The following COG7 variants were observed in gnomAD, a reference collection of about 807,000 sequenced individuals.
COG7 encodes component of oligomeric golgi complex 7.
In COG7, 49 loss-of-function variants were observed where a neutral mutation model predicts 91.5. That is an observed-to-expected ratio of 0.54 (90% CI 0.43 to 0.68). The LOEUF (loss-of-function observed/expected upper bound fraction) is 0.68. Ranked by LOEUF, COG7 falls within the 30% of genes least tolerant of loss-of-function variation. The pLI, the probability that COG7 is intolerant of heterozygous loss-of-function variation, is 0.00. For missense variants in COG7, 895 were observed against 961.3 expected, an observed-to-expected ratio of 0.93 and a Z score of 0.91; for synonymous variants, 365 against 388.7, an observed-to-expected ratio of 0.94 and a Z score of 0.72.
rs562948451 is a variant in COG7, at chr16:23,398,109, G to C, written c.1824C>G (p.Ile608Met). The C allele has an allele frequency of 1.2e-6, 2 of 1,614,102 alleles. No homozygotes were observed. Among genetic ancestry groups the C allele is most frequent in the East Asian group, 2.2e-5 (1 of 44,880 alleles). Reference protein sequence around the residue: ...SKMDSWNTAGIGETLTDELPA... With the variant: ...SKMDSWNTAGMGETLTDELPA... ...GCAGTTCATCTGTGAGGGTTTCTCC[G>C]ATGCCAGCCGTATTCCAGCTCTAAG... The change falls in exon 14 of 17, where the codon ATC becomes ATG. Residue 608 changes from isoleucine (I) to methionine (M), a missense_variant. Coordinates refer to ENST00000307149, the MANE Select transcript of COG7 (RefSeq NM_153603.4).
At chr16:23,426,881 A>T (rs1443179097) in intron 6 of COG7, among the ~76,000 whole-genome samples, 1 of 152,046 alleles carries the variant, frequency 6.6e-6, no homozygotes, top group Admixed American at 6.6e-5. Context: ...AATTGAAAAC[A>T]AGAGTTATCT....
Position 23,424,867 on chromosome 16 carries a change from G to A in COG7, c.891C>T (p.Cys297=). 1 of 1,614,244 alleles carries A rather than the reference G, an allele frequency of 6.2e-7. No homozygotes were observed. The highest frequency in any genetic ancestry group is 8.5e-7 in the Non-Finnish European group (1 of 1,180,034). The change falls in exon 7 of 17, where the codon TGC becomes TGT. Residue 297 remains cysteine, a synonymous_variant. Coordinates refer to ENST00000307149, the MANE Select transcript of COG7 (RefSeq NM_153603.4). ...LGALMPSLPS[C]LSNGVERAGP... is the part of the protein sequence containing the mutation. ...CTGCCCTCTCCACGCCGTTGCTGAG[G>A]CAGGAGGGCAGCGAGGGCATGAGGG...
intron 12 of COG7, among the ~76,000 whole-genome samples, 187 bp from the exon 13 acceptor site, chr16:23,404,021 A>T (rs1483947597): frequency 2.0e-5 from 3 of 152,198 alleles, no homozygotes; most frequent in African/African-American, 7.2e-5. Context: ...TCCACCCCAG[A>T]ACTACTGCAT....
intron 6 of COG7, among the ~76,000 whole-genome samples, chr16:23,426,817 A>AC (rs147595429): frequency 0.094 from 11,780 of 125,074 alleles, 348 homozygotes; most frequent in East Asian, 0.16. Context: ...GAGCAATTGG[A>AC]CAAAAAAAAA....
chr16:23,440,976 G>C (rs1280510660), intron 4 of COG7, among the ~76,000 whole-genome samples: 6 of 151,704 alleles, frequency 4.0e-5, no homozygotes, highest in Admixed American at 3.9e-4. Context: ...AGAGACCAGA[G>C]AAAATATGAT....
intron 13 of COG7, among the ~76,000 whole-genome samples, chr16:23,402,113 TTTAG>T (rs1320961790): frequency 2.6e-5 from 4 of 152,146 alleles, no homozygotes; most frequent in African/African-American, 9.7e-5. Context: ...TTTAGATTCA[TTTAG>T]TGTCTCTTTT....
chr16:23,417,438 G>A lies in COG7; in HGVS notation c.1138-317C>T, dbSNP rs765465587. On this transcript the variant is annotated intron_variant, in intron 8 of 16. Coordinates refer to ENST00000307149, the MANE Select transcript of COG7 (RefSeq NM_153603.4). ...TCTCTTCCTCTGGCTCTCGAGCTAC[G>A]ATTCAAATTCTCCTTATCAGACGCT... is the stretch of plus-strand genomic sequence containing the variant. 5 of 399,860 alleles carry A rather than the reference G, an allele frequency of 1.3e-5. No homozygotes were observed. The East Asian group carries it at 1.7e-4, about 14-fold the overall frequency. The allele number at this position is 399,860 out of a possible 1,614,324, so 24.8% of individuals were successfully genotyped here.
rs1044303220 is a variant in COG7, at chr16:23,445,861, G to C, written c.270C>G (p.Val90=). Residue 90 remains valine (V), a synonymous_variant, in exon 2 of 17, where the codon GTC becomes GTG. Transcript: ENST00000307149. ...GTTCAAATTTTTTAATGTCCTCCTT[G>C]ACAAGAATCATCTGTTCTTTCAGGA... ...ASFLKEQMIL[V]KEDIKKFEQD... The C allele has an allele frequency of 1.2e-6, 2 of 1,613,014 alleles. No individual in the cohort carries two copies. Among genetic ancestry groups the C allele is most frequent in the African/African-American group, 1.3e-5 (1 of 74,702 alleles).
chr16:23,400,640 G>T (rs190438185), intron 13 of COG7, among the ~76,000 whole-genome samples: 2 of 152,140 alleles, frequency 1.3e-5, no homozygotes, highest in African/African-American at 4.8e-5. Flanking sequence ...TGGAAGAAGC[G>T]CAAGACAGAG....
At chr16:23,426,194 TGA>T (rs1963843191) in intron 6 of COG7, among the ~76,000 whole-genome samples, 1 of 152,158 alleles carries the variant, frequency 6.6e-6, no homozygotes, top group African/African-American at 2.4e-5. Flanking sequence ...CCAGCCTAGG[TGA>T]CAGAGCAAGA....
chr16:23,400,951 C>T (rs192406866), intron 13 of COG7, among the ~76,000 whole-genome samples: 225 of 139,106 alleles, frequency 1.6e-3, no homozygotes, highest in Middle Eastern at 8.7e-3. Flanking sequence ...GCCTGGGCAA[C>T]AGAGTGAGAC....
chr16:23,404,888 C>A (rs1455912136), intron 12 of COG7, among the ~76,000 whole-genome samples: 2 of 152,144 alleles, frequency 1.3e-5, no homozygotes, highest in Admixed American at 1.3e-4. Context: ...CCACTGCACT[C>A]CAGCCTAGGC....
chr16:23,397,733 T>C (rs1963307737), intron 14 of COG7, among the ~76,000 whole-genome samples: 2 of 152,208 alleles, frequency 1.3e-5, no homozygotes, highest in Non-Finnish European at 2.9e-5. Flanking sequence ...AGAGAAGAAT[T>C]GGCCATCTGC....
Position 23,417,071 on chromosome 16 carries a change from G to C in COG7, c.1188C>G (p.Asn396Lys). ...DCVQELSHSV[N>K]KLFGLASAAV... ...CTGCAGACGCCAGACCAAACAGCTT[G>C]TTCACGGAGTGGCTCAGCTCCTGCA... Residue 396 changes from asparagine (N) to lysine (K), a missense_variant, in exon 9 of 17, where the codon AAC (asparagine) becomes AAG (lysine). By Grantham distance (94) the Asn-to-Lys change is moderately conservative. Coordinates refer to ENST00000307149, the MANE Select transcript of COG7 (RefSeq NM_153603.4). 6.2e-7 allele frequency: 1 copy of C among 1,614,216 alleles called. No individual in the cohort carries two copies. Among genetic ancestry groups the C allele is most frequent in the Non-Finnish European group, 8.5e-7 (1 of 1,180,028 alleles).
chr16:23,443,017 G>A (rs1317342012), intron 3 of COG7, among the ~76,000 whole-genome samples: 1 of 147,448 alleles, frequency 6.8e-6, no homozygotes, highest in Non-Finnish European at 1.5e-5. Context: ...CTGGGCAACA[G>A]AGAAAGACCC....
chr16:23,400,724 C>G (rs1169563062), intron 13 of COG7, among the ~76,000 whole-genome samples: 1 of 152,196 alleles, frequency 6.6e-6, no homozygotes, highest in African/African-American at 2.4e-5. Context: ...AATCCCAGCA[C>G]TTTGAGAGGC....
chr16:23,453,090 G>T lies in COG7; in HGVS notation c.-96C>A. On this transcript the variant is annotated 5_prime_UTR_variant, in exon 1 of 17. Transcript: ENST00000307149. The stretch of plus-strand genomic sequence containing the variant: ...CGAGCGAGCCTGCGAGAGCACCGAG[G>T]CTAGCCTCCGAGGCGAACCCCAGAA... 6.4e-7 allele frequency: 1 copy of T among 1,574,322 alleles called. No individual in the cohort carries two copies.
intron 6 of COG7, among the ~76,000 whole-genome samples, chr16:23,425,815 C>A (rs1963836379): frequency 6.6e-6 from 1 of 152,186 alleles, no homozygotes; most frequent in South Asian, 2.1e-4. Flanking sequence ...CCTAGAACAA[C>A]TGGCAAGTTC....
At chr16:23,394,645 G>A (rs1246804036) in intron 14 of COG7, among the ~76,000 whole-genome samples, 3 of 151,858 alleles carry the variant, frequency 2.0e-5, no homozygotes, top group Non-Finnish European at 4.4e-5. Flanking sequence ...ACGTAACAGC[G>A]GGCTCCTTTC....
Sources: allele counts gnomAD v4.1 joint callset (sites outside exome capture counted in the v4.1 genomes callset), GRCh38; gene constraint gnomAD v4.1.1; transcripts MANE v1.5; gene names NCBI Gene and HGNC (gene_info 2026-07-23, HGNC 2026-07-21).